KCNQ5: variants seen among roughly 807,000 people sequenced by gnomAD.
KCNQ5 encodes potassium voltage-gated channel subfamily Q member 5.
Under a neutral mutation model 98.2 loss-of-function variants are expected in KCNQ5, and 30 were observed. The ratio of observed to expected loss-of-function variants is 0.31; its 90% CI spans 0.23 to 0.41. The LOEUF (loss-of-function observed/expected upper bound fraction) is 0.41, where lower values mean the gene tolerates loss of function less well. KCNQ5 is among the 10% of genes least tolerant of loss of function. The probability of loss-of-function intolerance (pLI) is 1.00; values close to 1 mark genes in which losing one functional copy is unlikely to be tolerated. For missense variants in KCNQ5, 835 were observed against 1,182.5 expected, an observed-to-expected ratio of 0.71 and a Z score of 4.31; for synonymous variants, 458 against 449.4, an observed-to-expected ratio of 1.02 and a Z score of -0.24.
intron 1 of KCNQ5, among the ~76,000 whole-genome samples, chr6:72,687,505 A>G (rs1254165414): frequency 6.6e-6 from 1 of 152,234 alleles, no homozygotes; most frequent in East Asian, 1.9e-4. Context: ...GTCGACAATG[A>G]CAATACATGT....
chr6:72,674,287 C>T (rs565529476), intron 1 of KCNQ5, among the ~76,000 whole-genome samples: 114 of 151,374 alleles, frequency 7.5e-4, no homozygotes, highest in African/African-American at 2.7e-3. Context: ...AATTTCTTAA[C>T]TAGATTAATT....
At chr6:73,043,362 CTGTT>C (rs1771807522) in intron 3 of KCNQ5, 2 of 164,698 alleles carry the variant, frequency 1.2e-5, no homozygotes, top group African/African-American at 4.8e-5. Flanking sequence ...CGAATGCAGT[CTGTT>C]TGTCTGTCTT....
In KCNQ5 at chr6:73,194,584, T is replaced by A. The variant is rs1765712454; in HGVS notation, c.1969T>A (p.Tyr657Asn). 7 of 1,614,104 alleles carry A rather than the reference T, an allele frequency of 4.3e-6. No homozygotes were observed. Among genetic ancestry groups the A allele is most frequent in the Non-Finnish European group, 5.9e-6 (7 of 1,180,044 alleles). The change falls in exon 14 of 14, where the codon TAT becomes AAT. Residue 657 changes from tyrosine (Y) to asparagine (N), a missense_variant. This residue lies in a region of KCNQ5 where 416 missense variants were observed against 446.9 expected (regional missense o/e 0.93). Coordinates refer to ENST00000370398, the MANE Select transcript of KCNQ5 (RefSeq NM_019842.4). ...TTTTGAATGTGAACAGACATCTGAC[T>A]ATCAAAGCCCTGTGGATAGCAAAGA... ...PPFECEQTSD[Y>N]QSPVDSKDLS...
At chr6:72,889,702 T>C (rs1368787788) in intron 1 of KCNQ5, among the ~76,000 whole-genome samples, 1 of 152,170 alleles carries the variant, frequency 6.6e-6, no homozygotes, top group Non-Finnish European at 1.5e-5. Context: ...GCTACAATTT[T>C]TTAAATAAGT....
At chr6:72,910,563 G>GTGTGTGTGT (rs1562062145) in intron 1 of KCNQ5, among the ~76,000 whole-genome samples, 7 of 43,076 alleles carry the variant, frequency 1.6e-4, no homozygotes, top group African/African-American at 4.2e-4. Flanking sequence ...AAGGTAGGGG[G>GTGTGTGTGT]GTGTGTGTGT....
At chr6:72,657,442 T>C (rs183011237) in intron 1 of KCNQ5, among the ~76,000 whole-genome samples, 9 of 152,322 alleles carry the variant, frequency 5.9e-5, no homozygotes, top group Admixed American at 5.2e-4. Context: ...ATTCACCCAG[T>C]TGACAAATAG....
At chr6:72,717,128 A>G (rs750729345) in intron 1 of KCNQ5, among the ~76,000 whole-genome samples, 1 of 152,258 alleles carries the variant, frequency 6.6e-6, no homozygotes, top group African/African-American at 2.4e-5. Context: ...GATGAGCTTC[A>G]TAAACTGTGT....
intron 1 of KCNQ5, among the ~76,000 whole-genome samples, chr6:72,939,798 G>T (rs1215235153): frequency 1.3e-5 from 2 of 152,254 alleles, no homozygotes; most frequent in South Asian, 4.2e-4. Context: ...CTGGTATTTG[G>T]CCCCTGGCTG....
chr6:72,883,450 T>C (rs1461094562), intron 1 of KCNQ5, among the ~76,000 whole-genome samples: 1 of 152,158 alleles, frequency 6.6e-6, no homozygotes, highest in Non-Finnish European at 1.5e-5. Flanking sequence ...GAAACATCCA[T>C]TGTTGGATTT....
chr6:72,705,413 C>G (rs1457824085), intron 1 of KCNQ5, among the ~76,000 whole-genome samples: 1 of 152,120 alleles, frequency 6.6e-6, no homozygotes, highest in Non-Finnish European at 1.5e-5. Context: ...TTAGAATTGT[C>G]TCTATAGAGT....
chr6:72,734,120 G>A (rs1043708085), intron 1 of KCNQ5, among the ~76,000 whole-genome samples: 1 of 152,178 alleles, frequency 6.6e-6, no homozygotes, highest in Non-Finnish European at 1.5e-5. Flanking sequence ...ATTAGATCTT[G>A]TTGATATTTA....
intron 3 of KCNQ5, among the ~76,000 whole-genome samples, chr6:73,042,571 A>T (rs568910319): frequency 4.6e-4 from 70 of 152,312 alleles, no homozygotes; most frequent in African/African-American, 1.5e-3. Flanking sequence ...TTCTTCAAGA[A>T]TGATTATAAG....
chr6:72,960,824 G>A (rs1357948883), intron 1 of KCNQ5, among the ~76,000 whole-genome samples: 2 of 152,224 alleles, frequency 1.3e-5, no homozygotes, highest in African/African-American at 4.8e-5. Flanking sequence ...CCACCACTCA[G>A]GACCCTCTTG....
chr6:73,073,260 C>T (rs1020452635), intron 3 of KCNQ5, among the ~76,000 whole-genome samples: 2 of 152,166 alleles, frequency 1.3e-5, no homozygotes, highest in Non-Finnish European at 2.9e-5. Flanking sequence ...GCCTCAATTT[C>T]TTCATTTATA....
chr6:72,745,929 C>T (rs536888164), intron 1 of KCNQ5, among the ~76,000 whole-genome samples: 13 of 152,062 alleles, frequency 8.5e-5, no homozygotes, highest in Non-Finnish European at 1.9e-4. Flanking sequence ...CATCACATGG[C>T]TTTTTGCCCT....
intron 1 of KCNQ5, among the ~76,000 whole-genome samples, chr6:72,731,180 A>G (rs1486390451): frequency 6.6e-6 from 1 of 152,214 alleles, no homozygotes; most frequent in African/African-American, 2.4e-5. Context: ...TTTAAGTGAA[A>G]ATGAGAGGAC....
At chr6:73,086,830 G>A (rs542593440) in intron 5 of KCNQ5, among the ~76,000 whole-genome samples, 3 of 152,178 alleles carry the variant, frequency 2.0e-5, no homozygotes, top group Non-Finnish European at 4.4e-5. Context: ...GGTAGGAAAG[G>A]CCTCTCCAAT....
intron 1 of KCNQ5, among the ~76,000 whole-genome samples, chr6:72,740,986 T>C (rs773202945): frequency 1.3e-5 from 2 of 152,142 alleles, no homozygotes; most frequent in Non-Finnish European, 2.9e-5. Flanking sequence ...AGTAACACCA[T>C]TAGAGGGCTC....
chr6:73,084,174 T>C (rs1339682811), intron 5 of KCNQ5, among the ~76,000 whole-genome samples: 4 of 152,166 alleles, frequency 2.6e-5, no homozygotes, highest in Non-Finnish European at 5.9e-5. Flanking sequence ...TAATGCCATA[T>C]GCACATATAG....
Sources: allele counts gnomAD v4.1 joint callset (sites outside exome capture counted in the v4.1 genomes callset), GRCh38; gene constraint gnomAD v4.1.1; regional missense constraint gnomAD v4.1.1; transcripts MANE v1.5; gene names NCBI Gene and HGNC (gene_info 2026-07-23, HGNC 2026-07-21).